JHY: variants seen among roughly 807,000 people sequenced by gnomAD.
JHY encodes the protein jhy protein homolog.
In JHY, 69 loss-of-function variants were observed where a neutral mutation model predicts 78.0. The ratio of observed to expected loss-of-function variants is 0.88; its 90% confidence interval spans 0.73 to 1.08. JHY has a LOEUF of 1.08. JHY is among the 50% of genes least tolerant of loss of function. The pLI is 0.00. For missense variants in JHY, 944 were observed against 927.8 expected, an observed-to-expected ratio of 1.02 and a Z score of -0.23; for synonymous variants, 368 against 342.6, an observed-to-expected ratio of 1.07 and a Z score of -0.82.
At chr11:122,915,038 G>A (rs542550115) in intron 3 of JHY, among the ~76,000 whole-genome samples, 2 of 151,710 alleles carry the variant, frequency 1.3e-5, no homozygotes, top group East Asian at 3.9e-4. Flanking sequence ...TATTGAAGAG[G>A]GATCCATAAG....
chr11:122,923,678 C>A (rs1329892790), intron 3 of JHY, among the ~76,000 whole-genome samples: 1 of 151,858 alleles, frequency 6.6e-6, no homozygotes, highest in Non-Finnish European at 1.5e-5. Context: ...GCAGATTAGA[C>A]CCACCTGGGG....
Position 122,941,907 on chromosome 11 carries a change from T to C in JHY, c.1635-4591T>C, listed in dbSNP as rs190673198. Among the ~76,000 whole-genome samples the C allele has an allele frequency of 4.6e-5, 7 of 152,272 alleles. No individual in the cohort carries two copies. The East Asian group carries it at 1.4e-3, about 29-fold the overall frequency. Reference sequence around the variant, plus strand: ...TTTATTTTTAGACAGAGTCTTGCTCTGTCACCCAGGCTGGAGTGTGGTGGC... The same window carrying C: ...TTTATTTTTAGACAGAGTCTTGCTCCGTCACCCAGGCTGGAGTGTGGTGGC... On this transcript the variant is annotated intron_variant, in intron 5 of 8. Coordinates refer to ENST00000227349, the MANE Select transcript of JHY (RefSeq NM_024806.4).
At position 122,885,826 on chromosome 11, in the gene JHY, T is replaced by C. The variant is rs751680759; in HGVS notation, c.-24T>C. The C allele has an allele frequency of 6.4e-7, 1 of 1,555,044 alleles. No homozygotes were observed. The highest frequency in any genetic ancestry group is 1.7e-5 in the Admixed American group (1 of 57,752). ...TGCTCCTATCAACACGAGTATCCCCTGTTAATTTTTTGCATTTTTCAAGAT... is the reference window on the plus strand; with the variant it reads ...TGCTCCTATCAACACGAGTATCCCCCGTTAATTTTTTGCATTTTTCAAGAT... On this transcript the variant is annotated 5_prime_UTR_variant, in exon 2 of 9. Coordinates refer to ENST00000227349, the MANE Select transcript of JHY (RefSeq NM_024806.4).
chr11:122,894,930 G>A (rs1862708466), intron 2 of JHY, among the ~76,000 whole-genome samples: 1 of 152,104 alleles, frequency 6.6e-6, no homozygotes. Context: ...CAGAATAAAT[G>A]CCTGCATTAA....
At chr11:122,936,927 T>C (rs780389557) in intron 5 of JHY, among the ~76,000 whole-genome samples, 40 of 152,196 alleles carry the variant, frequency 2.6e-4, no homozygotes, top group Non-Finnish European at 4.9e-4. Context: ...TTATATACAA[T>C]TGGCCTTACC....
intron 2 of JHY, among the ~76,000 whole-genome samples, chr11:122,892,871 A>G (rs888860935): frequency 6.6e-6 from 1 of 152,202 alleles, no homozygotes; most frequent in African/African-American, 2.4e-5. Context: ...TTAGGCTGAG[A>G]CTAGACTACT....
chr11:122,937,013 T>C (rs1164882996), intron 5 of JHY, among the ~76,000 whole-genome samples: 4 of 152,190 alleles, frequency 2.6e-5, no homozygotes. Context: ...CTTTTTGTTG[T>C]TGTTTGTGAG....
intron 4 of JHY, among the ~76,000 whole-genome samples, chr11:122,931,407 A>G (rs1863632916): frequency 6.6e-6 from 1 of 152,162 alleles, no homozygotes; most frequent in South Asian, 2.1e-4. Flanking sequence ...CCTTTCCAAA[A>G]AGCTGTTAAT....
Position 122,903,543 on chromosome 11 carries a change from A to T in JHY, c.345-382A>T, listed in dbSNP as rs572438199. 4.6e-5 allele frequency among the ~76,000 whole-genome samples: 7 copies of T among 152,210 alleles called. 1 individual carries two copies. In the South Asian group the frequency reaches 1.5e-3, roughly 32 times the overall value. On this transcript the variant is annotated intron_variant, in intron 2 of 8. Transcript: ENST00000227349. Reference sequence around the variant, plus strand: ...TCCCAGGCTGGAGTGCAGTGTCGTGATTATAGCTCACTGTAGCCTCTAACT... The same window carrying T: ...TCCCAGGCTGGAGTGCAGTGTCGTGTTTATAGCTCACTGTAGCCTCTAACT...
At position 122,962,318 on chromosome 11, in the gene JHY, A is replaced by G. The variant is rs1268469708; in HGVS notation, c.*2873A>G. ...GGACTAGCTTTGGAAATGTACTCCTATGTTGTATACATTTTACATATACCA... is the reference window on the plus strand; with the variant it reads ...GGACTAGCTTTGGAAATGTACTCCTGTGTTGTATACATTTTACATATACCA... On this transcript the variant is annotated 3_prime_UTR_variant, in exon 9 of 9. Coordinates refer to ENST00000227349, the MANE Select transcript of JHY (RefSeq NM_024806.4). Among the ~76,000 whole-genome samples, 1 of 152,188 alleles carries G rather than the reference A, an allele frequency of 6.6e-6. No individual in the cohort carries two copies. The highest frequency in any genetic ancestry group is 2.4e-5 in the African/African-American group (1 of 41,450).
intron 2 of JHY, among the ~76,000 whole-genome samples, chr11:122,888,437 T>A (rs1343827828): frequency 1.3e-5 from 2 of 152,212 alleles, no homozygotes; most frequent in African/African-American, 2.4e-5. Flanking sequence ...AAGTTGCTGC[T>A]TTTCCTATTT....
In JHY at chr11:122,934,583, C is replaced by T. The variant is rs200668253; in HGVS notation, c.1142C>T (p.Thr381Met). ...CAGAATGGCCTGAAGTCTTCCACAA[C>T]GGAAGAGGTGACTGCCAGTCAGGGG... Reference protein sequence around the residue: ...KHQNGLKSSTTEEVTASQGNQ... With the variant: ...KHQNGLKSSTMEEVTASQGNQ... Residue 381 changes from threonine to methionine, a missense_variant, in exon 5 of 9, where the codon ACG (threonine) becomes ATG (methionine). Thr to Met is a moderately conservative substitution (Grantham distance 81). Transcript: ENST00000227349. 143 of 1,614,070 alleles carry T rather than the reference C, an allele frequency of 8.9e-5. No homozygotes were observed. Among genetic ancestry groups the T allele is most frequent in the Admixed American group, 8.8e-4 (53 of 60,000 alleles).
rs370196411 is a variant in JHY, at chr11:122,898,475, A to G, written c.345-5450A>G. 1.2e-4 allele frequency among the ~76,000 whole-genome samples: 18 copies of G among 152,284 alleles called. No individual in the cohort carries two copies. Among genetic ancestry groups the G allele is most frequent in the African/African-American group, 3.8e-4 (16 of 41,570 alleles). Reference sequence around the variant, plus strand: ...GGGTAATAATAGTACTTCCCTTAACATTGTTCCAAGGAAAAAAAACTGAAG... The same window carrying G: ...GGGTAATAATAGTACTTCCCTTAACGTTGTTCCAAGGAAAAAAAACTGAAG... On this transcript the variant is annotated intron_variant, in intron 2 of 8. Transcript: ENST00000227349. This position sits in a 1 kb window ranked among gnomAD's most constrained non-coding sequence, Gnocchi z 4.4.
rs376995634 is a variant in JHY, at chr11:122,960,558, C to A, written c.*1113C>A. The stretch of plus-strand genomic sequence containing the variant: ...TTATCCTGAAACCAGTGTAACAGGA[C>A]CCTATGTGCTCCAAACTGGGCTTAT... On this transcript the variant is annotated 3_prime_UTR_variant, in exon 9 of 9. Coordinates refer to ENST00000227349, the MANE Select transcript of JHY (RefSeq NM_024806.4). The A allele has an allele frequency of 4.1e-6, 1 of 242,486 alleles. No homozygotes were observed. The highest frequency in any genetic ancestry group is 9.7e-5 in the East Asian group (1 of 10,262). The allele number at this position is 242,486 out of a possible 1,614,324, so 15.0% of individuals were successfully genotyped here. A position where few individuals can be genotyped will look rare whatever the true frequency, so the allele number is the denominator to read the frequency against.
chr11:122,933,630 C>G (rs1443851718), intron 4 of JHY, among the ~76,000 whole-genome samples: 1 of 152,116 alleles, frequency 6.6e-6, no homozygotes, highest in Non-Finnish European at 1.5e-5. Context: ...GCAAAACAGC[C>G]CTTGTGGCTT....
At chr11:122,905,882 A>G (rs1862980201) in intron 3 of JHY, 1 of 152,096 alleles carries the variant, frequency 6.6e-6, no homozygotes, top group Non-Finnish European at 1.5e-5. Context: ...AAATAAATAA[A>G]AATAAAAAAA....
chr11:122,926,917 A>C (rs7949668), intron 4 of JHY: 32 of 152,250 alleles, frequency 2.1e-4, no homozygotes, highest in South Asian at 2.1e-3. Flanking sequence ...AGTTATTTAA[A>C]TTATTATAGA....
chr11:122,892,833 G>C (rs1862654321), intron 2 of JHY, among the ~76,000 whole-genome samples: 1 of 152,140 alleles, frequency 6.6e-6, no homozygotes, highest in Non-Finnish European at 1.5e-5. Flanking sequence ...AATTTCCCAG[G>C]CTGTTTTGTA....
chr11:122,914,460 T>C (rs1349622811), intron 3 of JHY, among the ~76,000 whole-genome samples: 1 of 152,190 alleles, frequency 6.6e-6, no homozygotes, highest in Non-Finnish European at 1.5e-5. Flanking sequence ...TGTTTGTTTT[T>C]TTGAGACAGA....
Sources: gnomAD v4.1 joint callset for allele counts (sites outside exome capture counted in the v4.1 genomes callset) on GRCh38, gnomAD v4.1.1 for gene constraint, Gnocchi (gnomAD v3.1) non-coding constraint, MANE v1.5 for transcripts, NCBI Gene and HGNC (gene_info 2026-07-23, HGNC 2026-07-21) for gene names.